FHAD1: variants seen among roughly 807,000 people sequenced by gnomAD.
FHAD1 encodes forkhead-associated domain-containing protein 1.
A neutral mutation model predicts 191.3 loss-of-function variants in FHAD1; 146 were observed. The ratio of observed to expected loss-of-function variants is 0.76; its 90% CI spans 0.67 to 0.88. The LOEUF is 0.88. Ranked by LOEUF, FHAD1 falls within the 40% of genes least tolerant of loss-of-function variation. FHAD1 has a pLI of 0.00. For synonymous variants in FHAD1, 616 were observed against 672.3 expected (o/e 0.92, Z 1.29); for missense variants, 1,635 against 1,785.8 (o/e 0.92, Z 1.52).
At chr1:15,286,953 G>C (rs1449111117) in intron 3 of FHAD1, 1 of 152,238 alleles carries the variant, frequency 6.6e-6, no homozygotes, top group East Asian at 1.9e-4. Flanking sequence ...GTTCCAGAAG[G>C]CTGGAGTAAA....
Position 15,289,876 on chromosome 1 carries a change from G to T in FHAD1, c.568+210G>T, listed in dbSNP as rs556833706. ...GGTCTCCCTATTGACTCTCTGCTGC[G>T]TATCCCTCCAGCCTCTGTGCTGTGT... is the stretch of plus-strand genomic sequence containing the variant. On this transcript the variant is annotated intron_variant, in intron 4 of 33. Transcript: ENST00000688493. The surrounding 1 kb of genome is among the most constrained non-coding windows in gnomAD (Gnocchi z 4.2). Among the ~76,000 whole-genome samples the T allele has an allele frequency of 6.6e-6, 1 of 152,184 alleles. No homozygotes were observed. The highest frequency in any genetic ancestry group is 1.5e-5 in the Non-Finnish European group (1 of 68,028).
At position 15,375,715 on chromosome 1, in the gene FHAD1, A is replaced by G. The variant is rs1249084540; in HGVS notation, c.3690A>G (p.Arg1230=). ...AACCGGATTTGCCAACTCTCTCAAG[A>G]ATAGAGATCCTAGCGGTAACCAAAG... ...DAKPDLPTLS[R]IEILAPQNGL... is the part of the protein sequence containing the mutation. The change falls in exon 28 of 34, where the codon AGA becomes AGG. Residue 1230 remains arginine (R), a synonymous_variant. Coordinates refer to ENST00000688493, the MANE Select transcript of FHAD1 (RefSeq NM_001391957.1). 1.9e-6 allele frequency: 3 copies of G among 1,543,312 alleles called. No homozygotes were observed. Among genetic ancestry groups the G allele is most frequent in the East Asian group, 4.9e-5 (2 of 40,826 alleles).
intron 1 of FHAD1, among the ~76,000 whole-genome samples, chr1:15,249,558 A>G (rs1460222802): frequency 6.6e-6 from 1 of 152,246 alleles, no homozygotes; most frequent in African/African-American, 2.4e-5. Context: ...AATTCTCATT[A>G]TATGAAAGTA....
Position 15,293,613 on chromosome 1 carries a change from G to C in FHAD1, c.569-3071G>C, listed in dbSNP as rs1182687019. Reference sequence around the variant, plus strand: ...CGCACCTGTAATCCCAGCTACTCAGGAGGCTGAGGCAGGAGAATCGCTTGA... The same window carrying C: ...CGCACCTGTAATCCCAGCTACTCAGCAGGCTGAGGCAGGAGAATCGCTTGA... On this transcript the variant is annotated intron_variant, in intron 4 of 33. Transcript: ENST00000688493. Among the ~76,000 whole-genome samples the C allele has an allele frequency of 2.0e-5, 3 of 152,286 alleles. No homozygotes were observed. The East Asian group carries it at 5.8e-4, about 29-fold the overall frequency.
chr1:15,338,812 C>T (rs369449982), intron 14 of FHAD1, among the ~76,000 whole-genome samples: 49 of 152,288 alleles, frequency 3.2e-4, no homozygotes, highest in Admixed American at 7.2e-4. Context: ...CCTGGGGTCA[C>T]TGCATGTTTC....
upstream of FHAD1, among the ~76,000 whole-genome samples, chr1:15,244,562 A>G (rs1407928524): frequency 6.6e-6 from 1 of 152,106 alleles, no homozygotes; most frequent in Non-Finnish European, 1.5e-5. The surrounding 1 kb of genome is among the most constrained non-coding windows in gnomAD (Gnocchi z 5.1). Flanking sequence ...GGACTAGAGA[A>G]GCCGACATCC....
intron 26 of FHAD1, among the ~76,000 whole-genome samples, chr1:15,372,126 C>CG (rs1396737267): frequency 6.8e-6 from 1 of 146,046 alleles, no homozygotes; most frequent in Non-Finnish European, 1.5e-5. Flanking sequence ...CACAGTGACG[C>CG]GGGGGCATGG....
chr1:15,256,795 G>A (rs1007390741), intron 2 of FHAD1, among the ~76,000 whole-genome samples: 2 of 152,304 alleles, frequency 1.3e-5, no homozygotes, highest in Admixed American at 6.5e-5. Context: ...CCGTGGCTAG[G>A]AGGGCGAAGA....
At chr1:15,385,704 G>A (rs1701951872) in intron 31 of FHAD1, among the ~76,000 whole-genome samples, 1 of 152,136 alleles carries the variant, frequency 6.6e-6, no homozygotes, top group Non-Finnish European at 1.5e-5. Flanking sequence ...GAGCCTAGTA[G>A]TTTGGGGCTG....
rs1188598411 is a variant in FHAD1 at position 15,312,952 on chromosome 1, C to G, written c.1040-105C>G. On this transcript the variant is annotated intron_variant, in intron 7 of 33. Transcript: ENST00000688493. This position sits in a 1 kb window ranked among gnomAD's most constrained non-coding sequence, Gnocchi z 4.7. ...TTCAAGCTCCTGGGATCCTTGGAGA[C>G]ACCTCCCTTCTCAGTGCCAGGCTCG... 14 of 1,401,196 alleles carry G rather than the reference C, an allele frequency of 1.0e-5. No homozygotes were observed. The East Asian group carries it at 2.5e-4, about 25-fold the overall frequency. 86.8% of individuals were successfully genotyped at this position (1,401,196 alleles called of 1,614,324 possible).
intron 2 of FHAD1, among the ~76,000 whole-genome samples, chr1:15,252,274 C>T (rs1377930159): frequency 6.6e-6 from 1 of 152,186 alleles, no homozygotes; most frequent in African/African-American, 2.4e-5. Context: ...TGTGGCTGCT[C>T]CTACAGAGCC....
At chr1:15,332,224 A>G (rs1271931166) in intron 14 of FHAD1, among the ~76,000 whole-genome samples, 1 of 152,136 alleles carries the variant, frequency 6.6e-6, no homozygotes, top group African/African-American at 2.4e-5. Context: ...TCGTGAGCTT[A>G]CTTGAAATAA....
intron 19 of FHAD1, among the ~76,000 whole-genome samples, chr1:15,350,183 C>T (rs933172338): frequency 3.3e-5 from 5 of 152,270 alleles, no homozygotes; most frequent in African/African-American, 1.2e-4. Context: ...GGGCCAGGCC[C>T]GGTTCTGGGT....
chr1:15,301,321 T>A lies in FHAD1; in HGVS notation c.795T>A (p.Ser265Arg). Residue 265 changes from serine (S) to arginine (R), a missense_variant, in exon 6 of 34, where the codon AGT (serine) becomes AGA (arginine). Physicochemically the swap from Ser to Arg is moderately radical, Grantham distance 110. Coordinates refer to ENST00000688493, the MANE Select transcript of FHAD1 (RefSeq NM_001391957.1). Reference protein sequence around the residue: ...ANLQNEVAELSQKVSETTTSR... With the variant: ...ANLQNEVAELRQKVSETTTSR... Reference sequence around the variant, plus strand: ...TGCAGAATGAAGTGGCTGAGCTGAGTCAGAAGGTGTCAGAGACCACCACCT... The same window carrying A: ...TGCAGAATGAAGTGGCTGAGCTGAGACAGAAGGTGTCAGAGACCACCACCT... 6.4e-7 allele frequency: 1 copy of A among 1,551,566 alleles called. No homozygotes were observed. Among genetic ancestry groups the A allele is most frequent in the Non-Finnish European group, 8.7e-7 (1 of 1,146,962 alleles).
chr1:15,299,229 AAAAG>A (rs1009859079), intron 5 of FHAD1, among the ~76,000 whole-genome samples: 2 of 151,310 alleles, frequency 1.3e-5, no homozygotes, highest in East Asian at 1.9e-4. Flanking sequence ...GAAAAAAAAA[AAAAG>A]AAAGAAAGAA....
chr1:15,266,587 GTTA>G (rs1254298369), intron 2 of FHAD1, among the ~76,000 whole-genome samples: 1 of 152,024 alleles, frequency 6.6e-6, no homozygotes, highest in Non-Finnish European at 1.5e-5. Context: ...ATATTCATAT[GTTA>G]TTATTAACTC....
At chr1:15,246,869 G>T (rs79592848), upstream of FHAD1, among the ~76,000 whole-genome samples, 2,472 of 152,100 alleles carry the variant, frequency 0.016, 59 homozygotes, top group African/African-American at 0.056. Context: ...AGAGATTTGG[G>T]TAGGGCAGGG....
At chr1:15,277,182 C>T (rs1469787095) in intron 3 of FHAD1, among the ~76,000 whole-genome samples, 2 of 152,204 alleles carry the variant, frequency 1.3e-5, no homozygotes, top group African/African-American at 4.8e-5. Context: ...CCAGCCAGAG[C>T]TTCCCACATG....
chr1:15,345,617 GGT>G, intron 18 of FHAD1, 94 bp downstream of exon 18: 1 of 1,002,290 alleles, frequency 1.0e-6, no homozygotes, highest in Non-Finnish European at 1.5e-6. Flanking sequence ...GTGAGATCGT[GGT>G]GGAGCCTTCC....
Sources: allele counts gnomAD v4.1 joint callset (sites outside exome capture counted in the v4.1 genomes callset), GRCh38; gene constraint gnomAD v4.1.1; non-coding constraint Gnocchi (gnomAD v3.1); transcripts MANE v1.5; gene names NCBI Gene and HGNC (gene_info 2026-07-23, HGNC 2026-07-21).